Variants in BMERB1 observed in about 807,000 individuals in gnomAD.
The protein encoded by BMERB1 is bMERB domain-containing protein 1.
Under a neutral mutation model 23.6 loss-of-function variants are expected in BMERB1, and 12 were observed. The ratio of observed to expected loss-of-function variants is 0.51; its 90% CI spans 0.33 to 0.82. The LOEUF (loss-of-function observed/expected upper bound fraction) is 0.82. Ranked by LOEUF, BMERB1 falls within the 40% of genes least tolerant of loss-of-function variation. The pLI is 0.03. For missense variants in BMERB1, 247 were observed against 255.4 expected (o/e 0.97, Z 0.22); for synonymous variants, 122 against 96.6 (o/e 1.26, Z -1.54).
At chr16:15,497,199 G>C (rs73505571) in intron 1 of BMERB1, among the ~76,000 whole-genome samples, 4,261 of 152,226 alleles carry the variant, frequency 0.028, 186 homozygotes, top group South Asian at 0.11. Flanking sequence ...AGGTGTTGCA[G>C]CCAAGGAGCC....
chr16:15,502,080 C>G lies in BMERB1; in HGVS notation c.107-13225C>G, dbSNP rs559245506. Among the ~76,000 whole-genome samples, 440 of 152,322 alleles carry G rather than the reference C, an allele frequency of 2.9e-3. 1 individual carries two copies. The highest frequency in any genetic ancestry group is 6.5e-3 in the Admixed American group (99 of 15,304). ...GTCTCAAAGAGGTTAGGGCATTTGC[C>G]GAGGTCGGCCGTTAGAAAGATGCCG... On this transcript the variant is annotated intron_variant, in intron 1 of 5. Transcript: ENST00000300006.
At chr16:15,556,997 C>G (rs1356132112) in intron 2 of BMERB1, among the ~76,000 whole-genome samples, 2 of 152,178 alleles carry the variant, frequency 1.3e-5, no homozygotes. Flanking sequence ...CTCTGAAAAC[C>G]TACCTCTGCC....
At chr16:15,451,733 A>ATTTTTTTT (rs71152429) in intron 1 of BMERB1, among the ~76,000 whole-genome samples, 2 of 77,408 alleles carry the variant, frequency 2.6e-5, no homozygotes, top group African/African-American at 6.0e-5. Flanking sequence ...TAGCTAACTA[A>ATTTTTTTT]TTTTTTTTTT....
At chr16:15,548,916 A>C (rs75513753) in intron 2 of BMERB1, among the ~76,000 whole-genome samples, 1 of 152,180 alleles carries the variant, frequency 6.6e-6, no homozygotes, top group Non-Finnish European at 1.5e-5. Context: ...AAGCTGAGAC[A>C]GTGGTCCTAG....
chr16:15,438,240 C>T (rs2050905882), intron 1 of BMERB1, among the ~76,000 whole-genome samples: 1 of 151,346 alleles, frequency 6.6e-6, no homozygotes, highest in Non-Finnish European at 1.5e-5. Context: ...GCGCCTGCCA[C>T]CACGCTCAAC....
chr16:15,526,663 CAA>C (rs57236824), intron 2 of BMERB1, among the ~76,000 whole-genome samples: 1 of 50,860 alleles, frequency 2.0e-5, no homozygotes, highest in African/African-American at 5.9e-5. Flanking sequence ...GACTGCATCT[CAA>C]AAAAAAAAAA....
At chr16:15,550,084 G>A (rs945168463) in intron 2 of BMERB1, among the ~76,000 whole-genome samples, 2 of 151,632 alleles carry the variant, frequency 1.3e-5, no homozygotes, top group African/African-American at 2.4e-5. Flanking sequence ...CGAGTAGCTG[G>A]GACTACAAGC....
At chr16:15,478,704 A>G (rs1475144754) in intron 1 of BMERB1, among the ~76,000 whole-genome samples, 1 of 152,104 alleles carries the variant, frequency 6.6e-6, no homozygotes, top group South Asian at 2.1e-4. Flanking sequence ...CACTTTTTGC[A>G]CCTTAGCACA....
intron 1 of BMERB1, among the ~76,000 whole-genome samples, chr16:15,448,715 C>G (rs2051012758): frequency 6.6e-6 from 1 of 152,120 alleles, no homozygotes; most frequent in South Asian, 2.1e-4. Flanking sequence ...TCGCTTGAAC[C>G]TGGGAGGCAG....
intron 3 of BMERB1, 147 bp from the exon 4 acceptor site, chr16:15,581,070 C>T (rs1596404610): frequency 8.5e-6 from 5 of 590,384 alleles, no homozygotes; most frequent in South Asian, 2.2e-5. Flanking sequence ...TGTGCCACCA[C>T]GCCTGGCTAA....
chr16:15,450,340 A>G (rs1475902236), intron 1 of BMERB1, among the ~76,000 whole-genome samples: 1 of 152,206 alleles, frequency 6.6e-6, no homozygotes, highest in African/African-American at 2.4e-5. Context: ...AAGAAAAAAA[A>G]GGAAAAGAAA....
chr16:15,511,967 T>C lies in BMERB1; in HGVS notation c.107-3338T>C, dbSNP rs570595013. ...GGCAGAGGTTGCAATGAGCAGAGATTGCATCACCACGCTCCAGCCTGGGCA... is the reference window on the plus strand; with the variant it reads ...GGCAGAGGTTGCAATGAGCAGAGATCGCATCACCACGCTCCAGCCTGGGCA... On this transcript the variant is annotated intron_variant, in intron 1 of 5. Transcript: ENST00000300006. 4.2e-5 allele frequency among the ~76,000 whole-genome samples: 5 copies of C among 119,568 alleles called. No individual in the cohort carries two copies. In the South Asian group the frequency reaches 1.5e-3, roughly 35 times the overall value. The allele number at this position is 119,568 out of a possible 152,430, so 78.4% of individuals were successfully genotyped here.
chr16:15,580,742 C>T (rs187999871), intron 3 of BMERB1, among the ~76,000 whole-genome samples: 116 of 151,302 alleles, frequency 7.7e-4, no homozygotes, highest in South Asian at 1.9e-3. Flanking sequence ...AGACGGGGTT[C>T]CACCCTGTTA....
intron 1 of BMERB1, among the ~76,000 whole-genome samples, chr16:15,509,138 G>GC (rs2051627484): frequency 6.6e-6 from 1 of 151,878 alleles, no homozygotes; most frequent in Non-Finnish European, 1.5e-5. Context: ...CCCACGCCTC[G>GC]CCCCAGGGTG....
chr16:15,558,858 G>C (rs1034653963), intron 2 of BMERB1, among the ~76,000 whole-genome samples: 4 of 151,398 alleles, frequency 2.6e-5, no homozygotes, highest in Non-Finnish European at 4.4e-5. Flanking sequence ...CCATTCTCAC[G>C]TGAGTGGCTG....
chr16:15,558,639 G>A lies in BMERB1; in HGVS notation c.231-9344G>A, dbSNP rs900127180. Among the ~76,000 whole-genome samples the A allele has an allele frequency of 3.9e-5, 6 of 152,052 alleles. No homozygotes were observed. In the East Asian group the frequency reaches 9.7e-4, roughly 25 times the overall value. On this transcript the variant is annotated intron_variant, in intron 2 of 5. Coordinates refer to ENST00000300006, the MANE Select transcript of BMERB1 (RefSeq NM_033201.3). ...CCATTACCGTAGTCACATATGTGTC[G>A]TAGCGACATATATGTGACATATGAC... is the stretch of plus-strand genomic sequence containing the variant.
intron 2 of BMERB1, among the ~76,000 whole-genome samples, chr16:15,541,599 A>ATTTTT (rs962962059): frequency 1.1e-5 from 1 of 87,880 alleles, no homozygotes; most frequent in Non-Finnish European, 2.4e-5. Flanking sequence ...CTAATTTTTA[A>ATTTTT]TTTTTTTTTT....
In BMERB1 at chr16:15,586,707, C is replaced by T. The variant is rs181574183; in HGVS notation, c.503-10C>T. 5.6e-6 allele frequency: 9 copies of T among 1,599,830 alleles called. No homozygotes were observed. In the South Asian group the frequency reaches 5.6e-5, roughly 10 times the overall value. On this transcript the variant is annotated splice_polypyrimidine_tract_variant and intron_variant, in intron 5 of 5. Coordinates refer to ENST00000300006, the MANE Select transcript of BMERB1 (RefSeq NM_033201.3). ...TCTCCCCCTCTCCCTGTGCCCACAT[C>T]TTGCTGCAGGCTCCCGGGCAGAGAA... is the stretch of plus-strand genomic sequence containing the variant.
intron 2 of BMERB1, among the ~76,000 whole-genome samples, chr16:15,527,076 C>G (rs1374801972): frequency 6.6e-6 from 1 of 151,428 alleles, no homozygotes; most frequent in African/African-American, 2.4e-5. Flanking sequence ...TAAATTGTGG[C>G]AAAATATATA....
Sources: gnomAD v4.1 joint callset for allele counts (sites outside exome capture counted in the v4.1 genomes callset) on GRCh38, gnomAD v4.1.1 for gene constraint, MANE v1.5 for transcripts, NCBI Gene and HGNC (gene_info 2026-07-23, HGNC 2026-07-21) for gene names.